The following IGSF11 variants were observed in gnomAD, a reference collection of about 807,000 sequenced individuals.
IGSF11 encodes the protein immunoglobulin superfamily member 11, also known as CXADR like 1.
A neutral mutation model predicts 41.0 loss-of-function variants in IGSF11; 22 were observed. The observed-to-expected ratio is 0.54, with a 90% confidence interval of 0.38 to 0.77. The LOEUF is 0.77. IGSF11 is among the 30% of genes least tolerant of loss of function. The pLI is 0.00. For missense variants in IGSF11, 444 were observed against 530.8 expected, an observed-to-expected ratio of 0.84 and a Z score of 1.61; for synonymous variants, 219 against 201.3, an observed-to-expected ratio of 1.09 and a Z score of -0.74.
chr3:118,959,160 A>G (rs1945162938), intron 1 of IGSF11, among the ~76,000 whole-genome samples: 2 of 152,190 alleles, frequency 1.3e-5, no homozygotes, highest in Admixed American at 6.5e-5. Context: ...TAGAAAACCC[A>G]TTCTGCAATG....
At chr3:119,044,278 C>G (rs890259407) in intron 1 of IGSF11, among the ~76,000 whole-genome samples, 1 of 152,024 alleles carries the variant, frequency 6.6e-6, no homozygotes, top group Non-Finnish European at 1.5e-5. Flanking sequence ...TGGGAAGTTT[C>G]AGCAATCAAA....
rs1277570042 is a variant in IGSF11 at position 119,006,522 on chromosome 3, TGGA to T, written c.52+28006_52+28008del. Among the ~76,000 whole-genome samples the T allele has an allele frequency of 3.8e-3, 505 of 131,574 alleles. 2 individuals are homozygous for T. Among genetic ancestry groups the T allele is most frequent in the Non-Finnish European group, 5.8e-3 (367 of 63,552 alleles). The allele number at this position is 131,574 out of a possible 152,430, so 86.3% of individuals were successfully genotyped here. A position where few individuals can be genotyped will look rare whatever the true frequency, so the allele number is the denominator to read the frequency against. On this transcript the variant is annotated intron_variant, in intron 1 of 6. Coordinates refer to ENST00000393775, the MANE Select transcript of IGSF11 (RefSeq NM_001015887.3). ...TTGCTGCTGAGGAACTGCGCTCCTT[TGGA>T]GGAGGAGAGGCGCTCTGCATTTTAG...
chr3:118,902,779 G>T lies in IGSF11; in HGVS notation c.1037C>A (p.Ser346Tyr). The change falls in exon 7 of 7, where the codon TCT becomes TAT. Residue 346 changes from serine to tyrosine, a missense_variant. Ser to Tyr is a moderately radical substitution (Grantham distance 144). Transcript: ENST00000393775. ...SHFSDLGQSFSFHSGNANIPS... is the reference protein window; with the variant it reads ...SHFSDLGQSFYFHSGNANIPS... ...TATGTTGGCATTGCCTGAGTGGAAA[G>T]AGAAAGATTGGCCCAAGTCACTGAA... 6.2e-7 allele frequency: 1 copy of T among 1,614,180 alleles called. No individual in the cohort carries two copies. The highest frequency in any genetic ancestry group is 8.5e-7 in the Non-Finnish European group (1 of 1,179,996).
At chr3:119,010,963 C>T (rs1161070078) in intron 1 of IGSF11, among the ~76,000 whole-genome samples, 1 of 152,182 alleles carries the variant, frequency 6.6e-6, no homozygotes, top group African/African-American at 2.4e-5. Flanking sequence ...AGAAGTCATT[C>T]AATTCATTCC....
chr3:119,135,157 G>A (rs1400567268), intron 1 of IGSF11, among the ~76,000 whole-genome samples: 2 of 152,130 alleles, frequency 1.3e-5, no homozygotes, highest in African/African-American at 4.8e-5. Context: ...CATGGGCAAG[G>A]ACTTCATGGC....
intron 1 of IGSF11, among the ~76,000 whole-genome samples, chr3:119,059,518 C>T (rs947240920): frequency 6.6e-6 from 1 of 152,072 alleles, no homozygotes; most frequent in African/African-American, 2.4e-5. Context: ...TGAACTTATC[C>T]ATATAACAAA....
intron 1 of IGSF11, among the ~76,000 whole-genome samples, chr3:119,006,339 ATTGG>A (rs1342357894): frequency 1.2e-5 from 1 of 83,574 alleles, no homozygotes; most frequent in Non-Finnish European, 2.0e-5. Flanking sequence ...ACTTCTCTGT[ATTGG>A]TTATTCTAGT....
At chr3:118,913,255 C>T (rs571602080) in intron 4 of IGSF11, among the ~76,000 whole-genome samples, 2 of 152,096 alleles carry the variant, frequency 1.3e-5, no homozygotes, top group Admixed American at 6.5e-5. Flanking sequence ...AGAGAAAAGG[C>T]TATATTCAAA....
intron 1 of IGSF11, among the ~76,000 whole-genome samples, chr3:119,088,290 T>C (rs564893457): frequency 6.6e-6 from 1 of 151,232 alleles, no homozygotes; most frequent in African/African-American, 2.4e-5. Context: ...ACTACACAAA[T>C]ACATGGAAAT....
At chr3:119,067,846 C>T (rs1942280245) in intron 1 of IGSF11, among the ~76,000 whole-genome samples, 1 of 152,162 alleles carries the variant, frequency 6.6e-6, no homozygotes, top group Non-Finnish European at 1.5e-5. Context: ...AGATTCTTCC[C>T]CCTCTAGGAT....
chr3:119,097,586 T>C (rs927408948), intron 1 of IGSF11, among the ~76,000 whole-genome samples: 2 of 152,088 alleles, frequency 1.3e-5, no homozygotes, highest in Admixed American at 6.6e-5. Context: ...TTGGTGTCAT[T>C]TGGCTAACAA....
At chr3:119,058,440 G>T (rs1382876293) in intron 1 of IGSF11, among the ~76,000 whole-genome samples, 1 of 152,026 alleles carries the variant, frequency 6.6e-6, no homozygotes, top group Non-Finnish European at 1.5e-5. Context: ...TCTCACACCA[G>T]TTAGAATGGC....
chr3:118,922,416 T>C (rs543649484), intron 4 of IGSF11, among the ~76,000 whole-genome samples: 1 of 152,200 alleles, frequency 6.6e-6, no homozygotes, highest in South Asian at 2.1e-4. Context: ...CCTTTGTGTG[T>C]GTGTGTGTGT....
rs1469214920 is a variant in IGSF11 at position 118,901,554 on chromosome 3, T to C, written c.*966A>G. The C allele has an allele frequency of 6.6e-6, 1 of 152,082 alleles. No individual in the cohort carries two copies. Among genetic ancestry groups the C allele is most frequent in the African/African-American group, 2.4e-5 (1 of 41,408 alleles). The allele number at this position is 152,082 out of a possible 1,614,324, so 9.4% of individuals were successfully genotyped here. Reference sequence around the variant, plus strand: ...CCTCATTAATAGTAACCTACTGTAATAGCAAGGGAGATCTGAACAACCTTG... The same window carrying C: ...CCTCATTAATAGTAACCTACTGTAACAGCAAGGGAGATCTGAACAACCTTG... On this transcript the variant is annotated 3_prime_UTR_variant, in exon 7 of 7. Coordinates refer to ENST00000393775, the MANE Select transcript of IGSF11 (RefSeq NM_001015887.3).
At chr3:118,934,520 T>G (rs1044405755) in intron 1 of IGSF11, among the ~76,000 whole-genome samples, 1 of 152,214 alleles carries the variant, frequency 6.6e-6, no homozygotes, top group Admixed American at 6.5e-5. Context: ...CTTACCATCA[T>G]GAATTCAATT....
chr3:118,923,549 C>T lies in IGSF11; in HGVS notation c.580+2552G>A, dbSNP rs368143540. Among the ~76,000 whole-genome samples, 5 of 152,162 alleles carry T rather than the reference C, an allele frequency of 3.3e-5. No individual in the cohort carries two copies. The East Asian group carries it at 5.8e-4, about 18-fold the overall frequency. ...AGCTATTTCTTTTCCTGTTCAGATT[C>T]TAAGCCAAGATTCTTCATTACATCT... On this transcript the variant is annotated intron_variant, in intron 4 of 6. Transcript: ENST00000393775.
chr3:118,991,163 G>T (rs1406925942), intron 1 of IGSF11, among the ~76,000 whole-genome samples: 1 of 152,156 alleles, frequency 6.6e-6, no homozygotes, highest in Admixed American at 6.5e-5. Context: ...ATTCTTCTGG[G>T]AGTATTTTTT....
intron 1 of IGSF11, among the ~76,000 whole-genome samples, chr3:118,946,269 TG>T (rs1276146325): frequency 2.9e-5 from 4 of 136,658 alleles, no homozygotes; most frequent in African/African-American, 6.3e-5. Flanking sequence ...AATTCAGTAA[TG>T]TTTTTTTAAA....
At chr3:119,037,713 A>G (rs894679232), upstream of IGSF11, among the ~76,000 whole-genome samples, 1 of 152,238 alleles carries the variant, frequency 6.6e-6, no homozygotes, top group African/African-American at 2.4e-5. Context: ...ATGCTGGACC[A>G]CTTCTTTCCA....
Sources: gnomAD v4.1 joint callset for allele counts (sites outside exome capture counted in the v4.1 genomes callset) on GRCh38, gnomAD v4.1.1 for gene constraint, MANE v1.5 for transcripts, NCBI Gene and HGNC (gene_info 2026-07-23, HGNC 2026-07-21) for gene names.